The following PHF20L1 variants were observed in gnomAD, a reference collection of about 807,000 sequenced individuals.
PHF20L1 encodes the protein PHD finger protein 20-like protein 1.
PHF20L1 carries 44 observed loss-of-function variants against 125.5 expected under a neutral mutation model. The observed-to-expected ratio is 0.35, with a 90% CI of 0.28 to 0.45. The LOEUF is 0.45. Among genes scored for constraint, PHF20L1 ranks in the 20% least tolerant of loss-of-function variants. PHF20L1 has a pLI of 1.00. For synonymous variants in PHF20L1, 380 were observed against 403.1 expected (o/e 0.94, Z 0.69); for missense variants, 1,012 against 1,217.2 (o/e 0.83, Z 2.51).
At chr8:132,831,755 T>C (rs1327417219) in intron 14 of PHF20L1, among the ~76,000 whole-genome samples, 1 of 151,938 alleles carries the variant, frequency 6.6e-6, no homozygotes, top group Non-Finnish European at 1.5e-5. Context: ...CACAGGTAAA[T>C]GTGTGCCATG....
rs375126494 is a variant in PHF20L1, at chr8:132,842,734, T to A, written c.2607T>A (p.Phe869Leu). The part of the protein sequence containing the change: ...SEHSYQKPQS[F>L]GQDCKSLADP... ...ATAGCTATCAAAAGCCACAAAGTTT[T>A]GGTCAGGACTGTAAATCTCTCGCAG... The change falls in exon 19 of 21, where the codon TTT (phenylalanine) becomes TTA (leucine). Residue 869 changes from phenylalanine (F) to leucine (L), a missense_variant. Coordinates refer to ENST00000395386, the MANE Select transcript of PHF20L1 (RefSeq NM_016018.5). 4.3e-6 allele frequency: 7 copies of A among 1,613,360 alleles called. No homozygotes were observed. Among genetic ancestry groups the A allele is most frequent in the Non-Finnish European group, 5.1e-6 (6 of 1,179,650 alleles).
intron 16 of PHF20L1, among the ~76,000 whole-genome samples, chr8:132,836,951 C>G (rs1369887267): frequency 6.6e-6 from 1 of 152,054 alleles, no homozygotes; most frequent in Non-Finnish European, 1.5e-5. Flanking sequence ...AGTTCAGTGC[C>G]TTCAAACTGA....
intron 1 of PHF20L1, among the ~76,000 whole-genome samples, chr8:132,776,428 C>T (rs137878828): frequency 8.5e-5 from 13 of 152,312 alleles, no homozygotes; most frequent in African/African-American, 2.4e-5. Flanking sequence ...TTACGTGTTG[C>T]GCACTGACAA....
At chr8:132,818,860 T>C (rs946604136) in intron 12 of PHF20L1, 2 of 151,922 alleles carry the variant, frequency 1.3e-5, no homozygotes, top group African/African-American at 4.8e-5. Flanking sequence ...AGGTTGTATA[T>C]ACATTGGGAA....
rs1189442898 is a variant in PHF20L1 at position 132,839,523 on chromosome 8, T to C, written c.2328T>C (p.Ala776=). Residue 776 remains alanine, a synonymous_variant, in exon 18 of 21, where the codon GCT becomes GCC. Coordinates refer to ENST00000395386, the MANE Select transcript of PHF20L1 (RefSeq NM_016018.5). ...KKIVSTHHLL[A]DVYGVTEVLH... ...TAGTTTCTACACATCACCTGCTTGC[T>C]GATGTCTATGGTGTTACAGAAGTGC... is the stretch of plus-strand genomic sequence containing the variant. 1 of 1,613,502 alleles carries C rather than the reference T, an allele frequency of 6.2e-7. No individual in the cohort carries two copies. Among genetic ancestry groups the C allele is most frequent in the South Asian group, 1.1e-5 (1 of 91,066 alleles).
chr8:132,782,514 T>C (rs1194723013), intron 2 of PHF20L1, among the ~76,000 whole-genome samples: 1 of 152,170 alleles, frequency 6.6e-6, no homozygotes, highest in African/African-American at 2.4e-5. Context: ...TAGCTTTAGT[T>C]GACAGGAGAG....
At chr8:132,823,676 A>G (rs1415661485) in intron 12 of PHF20L1, among the ~76,000 whole-genome samples, 1 of 151,964 alleles carries the variant, frequency 6.6e-6, no homozygotes, top group Non-Finnish European at 1.5e-5. Flanking sequence ...CATGAGGTAT[A>G]CAGACTTATT....
rs1468405372 is a variant in PHF20L1 at position 132,842,622 on chromosome 8, A to G, written c.2495A>G (p.Asn832Ser). The G allele has an allele frequency of 1.2e-6, 2 of 1,613,266 alleles. No individual in the cohort carries two copies. The stretch of plus-strand genomic sequence containing the variant: ...AAAAAAATAGCTCAAGACACAGTTA[A>G]TCGAGAAGAAAAGAAATATGTACAG... ...VEKKIAQDTV[N>S]REEKKYVQNH... The change falls in exon 19 of 21, where the codon AAT becomes AGT. Residue 832 changes from asparagine (N) to serine (S), a missense_variant. Around this residue, in one of 7 missense-constraint regions of PHF20L1, gnomAD observed 277 missense variants for 283.6 expected, o/e 0.98. Transcript: ENST00000395386.
chr8:132,782,577 T>G (rs200879935), intron 2 of PHF20L1, among the ~76,000 whole-genome samples: 1 of 143,072 alleles, frequency 7.0e-6, no homozygotes. Flanking sequence ...CTGATGACAC[T>G]TTTTTCTTTT....
chr8:132,802,001 A>G (rs916142588), intron 6 of PHF20L1, among the ~76,000 whole-genome samples: 1 of 151,662 alleles, frequency 6.6e-6, no homozygotes, highest in African/African-American at 2.4e-5. Context: ...TTTCCCCGCA[A>G]TGTGGAACCC....
intron 6 of PHF20L1, chr8:132,799,746 G>A (rs1453060618): frequency 6.6e-6 from 1 of 151,776 alleles, no homozygotes. Context: ...CTCTAGAAAT[G>A]TATATCTACC....
At position 132,844,267 on chromosome 8, in the gene PHF20L1, G is replaced by A. The variant is rs902978563; in HGVS notation, c.2860G>A (p.Val954Met). 2 of 1,612,658 alleles carry A rather than the reference G, an allele frequency of 1.2e-6. No individual in the cohort carries two copies. The highest frequency in any genetic ancestry group is 1.7e-6 in the Non-Finnish European group (2 of 1,179,100). ...QLNLLTHIENVQNEVTSRMDL... is the reference protein window; with the variant it reads ...QLNLLTHIENMQNEVTSRMDL... ...CAATCTCCTTACACACATAGAAAAT[G>A]TGCAGAACGAAGTTACCAGCAGGAT... Residue 954 changes from valine (V) to methionine (M), a missense_variant, in exon 20 of 21, where the codon GTG (valine) becomes ATG (methionine). Val to Met is a conservative substitution (Grantham distance 21, BLOSUM62 1). This residue lies in a region of PHF20L1 where 277 missense variants were observed against 283.6 expected (regional missense o/e 0.98). Coordinates refer to ENST00000395386, the MANE Select transcript of PHF20L1 (RefSeq NM_016018.5).
intron 15 of PHF20L1, among the ~76,000 whole-genome samples, chr8:132,836,175 AAGGGG>A (rs1837336112): frequency 6.6e-6 from 1 of 152,102 alleles, no homozygotes; most frequent in Admixed American, 6.5e-5. Context: ...ATGAAATCAC[AAGGGG>A]ACAACACAGG....
intron 8 of PHF20L1, chr8:132,810,724 C>G (rs1834289308): frequency 4.7e-6 from 1 of 214,504 alleles, no homozygotes; most frequent in Admixed American, 5.4e-5. Context: ...TATTAGCAAC[C>G]TGAGCAACCT....
Position 132,817,084 on chromosome 8 carries a change from A to G in PHF20L1, c.1372+8A>G, listed in dbSNP as rs369146594. 5 of 1,483,518 alleles carry G rather than the reference A, an allele frequency of 3.4e-6. No individual in the cohort carries two copies. The African/African-American group carries it at 5.7e-5, about 17-fold the overall frequency. 91.9% of individuals were successfully genotyped at this position (1,483,518 alleles called of 1,614,324 possible). A position where few individuals can be genotyped will look rare whatever the true frequency, so the allele number is the denominator to read the frequency against. ...AATCTTCAGTACCAGAGGGTAATGT[A>G]TATTGATTTCCTATAGAACCAAACA... On this transcript the variant is annotated splice_region_variant and intron_variant, in intron 11 of 20. Coordinates refer to ENST00000395386, the MANE Select transcript of PHF20L1 (RefSeq NM_016018.5).
intron 8 of PHF20L1, chr8:132,807,654 G>A (rs553270412): frequency 4.5e-6 from 2 of 444,800 alleles, no homozygotes; most frequent in African/African-American, 4.0e-5. Context: ...TAACCACTTT[G>A]CTCTTTCTTT....
intron 12 of PHF20L1, among the ~76,000 whole-genome samples, chr8:132,821,400 C>G (rs922447962): frequency 6.6e-6 from 1 of 151,972 alleles, no homozygotes; most frequent in Admixed American, 6.6e-5. Context: ...AAAAAAGCAT[C>G]TTGTCAGTTC....
At chr8:132,832,461 T>C in intron 15 of PHF20L1, 62 bp downstream of exon 15, 1 of 1,174,988 alleles carries the variant, frequency 8.5e-7, no homozygotes, top group African/African-American at 1.5e-5. Flanking sequence ...TAACTGAGAA[T>C]AAAACGTACT....
chr8:132,803,854 T>C lies in PHF20L1; in HGVS notation c.543T>C (p.Ala181=), dbSNP rs763439797. 3.7e-6 allele frequency: 6 copies of C among 1,608,854 alleles called. No individual in the cohort carries two copies. The highest frequency in any genetic ancestry group is 5.1e-6 in the Non-Finnish European group (6 of 1,176,664). ...CTTTAGTCAAAGCAGCTGCTGCAGC[T>C]GCAGCCAAGAACAAAACAGGGAGTA... ...WIALVKAAAA[A]AAKNKTGSKP... is the part of the protein sequence containing the mutation. Residue 181 remains alanine, a synonymous_variant, in exon 7 of 21, where the codon GCT becomes GCC. Transcript: ENST00000395386.
Sources: gnomAD v4.1 joint callset for allele counts (sites outside exome capture counted in the v4.1 genomes callset) on GRCh38, gnomAD v4.1.1 for gene constraint, gnomAD v4.1.1 regional missense constraint, MANE v1.5 for transcripts, NCBI Gene and HGNC (gene_info 2026-07-23, HGNC 2026-07-21) for gene names.